Variants in CBLB observed in about 807,000 individuals in gnomAD.
CBLB encodes E3 ubiquitin-protein ligase CBL-B.
CBLB carries 31 observed loss-of-function variants against 104.9 expected under a neutral mutation model. The observed-to-expected ratio is 0.30, with a 90% confidence interval of 0.22 to 0.40. CBLB has a LOEUF of 0.40. Among genes scored for constraint, CBLB ranks in the 10% least tolerant of loss-of-function variants. CBLB has a pLI of 1.00. For missense variants in CBLB, 1,062 were observed against 1,214.6 expected, an observed-to-expected ratio of 0.87 and a Z score of 1.87; for synonymous variants, 440 against 422.6, an observed-to-expected ratio of 1.04 and a Z score of -0.51.
At chr3:105,868,482 G>C (rs1169965735) in intron 1 of CBLB, 1 of 346,074 alleles carries the variant, frequency 2.9e-6, no homozygotes, top group African/African-American at 2.1e-5. Context: ...GACACTGTGG[G>C]CTCGGCGCCT....
chr3:105,846,485 A>C (rs1241161109), intron 3 of CBLB, among the ~76,000 whole-genome samples: 1 of 152,126 alleles, frequency 6.6e-6, no homozygotes, highest in African/African-American at 2.4e-5. Flanking sequence ...CTAAAGTTGA[A>C]ATATTAACAG....
chr3:105,672,388 C>A (rs2065168473), intron 17 of CBLB: 1 of 177,850 alleles, frequency 5.6e-6, no homozygotes, highest in African/African-American at 2.4e-5. Context: ...TGCATCATAT[C>A]CTAAGTTTGC....
chr3:105,786,066 G>GGGGGT (rs1553794757), intron 3 of CBLB, among the ~76,000 whole-genome samples: 1 of 145,662 alleles, frequency 6.9e-6, no homozygotes, highest in Non-Finnish European at 1.5e-5. Flanking sequence ...AGGATCGGGG[G>GGGGGT]GGGGAAAGTG....
intron 3 of CBLB, among the ~76,000 whole-genome samples, chr3:105,786,310 A>G (rs1300534164): frequency 6.6e-6 from 1 of 152,148 alleles, no homozygotes; most frequent in Non-Finnish European, 1.5e-5. Context: ...TTTCAGTAAG[A>G]AACAAAAATG....
intron 4 of CBLB, among the ~76,000 whole-genome samples, chr3:105,759,625 T>C (rs543319422): frequency 1.3e-5 from 2 of 152,268 alleles, no homozygotes; most frequent in Admixed American, 1.3e-4. Context: ...CCTGAGTGTG[T>C]GCACACCCAG....
intron 4 of CBLB, among the ~76,000 whole-genome samples, chr3:105,765,723 G>T (rs1456023933): frequency 6.6e-6 from 1 of 152,130 alleles, no homozygotes; most frequent in Non-Finnish European, 1.5e-5. Flanking sequence ...GTTGAGATAT[G>T]CTGTGTAGAG....
In CBLB at chr3:105,678,470, G is replaced by A. The variant is rs139057989; in HGVS notation, c.2530C>T (p.Arg844Trp). ...AAAAGATCCTGTCCTGAGGATGGCCGGCTACTGGAGCCAGGAGGTTTTGAA... is the reference window on the plus strand; with the variant it reads ...AAAAGATCCTGTCCTGAGGATGGCCAGCTACTGGAGCCAGGAGGTTTTGAA... ...EHSKPPGSSS[R>W]PSSGQDLFLL... Residue 844 changes from arginine to tryptophan, a missense_variant, in exon 17 of 19, where the codon CGG (arginine) becomes TGG (tryptophan). Arg to Trp is a moderately radical substitution (Grantham distance 101). Transcript: ENST00000394030. The A allele has an allele frequency of 1.8e-5, 29 of 1,613,884 alleles. No homozygotes were observed. The highest frequency in any genetic ancestry group is 2.2e-5 in the East Asian group (1 of 44,878).
chr3:105,838,955 T>C (rs923792196), intron 3 of CBLB, among the ~76,000 whole-genome samples: 24 of 152,156 alleles, frequency 1.6e-4, no homozygotes, highest in African/African-American at 4.8e-4. Flanking sequence ...TGGATTCCTC[T>C]GGTAGTATAA....
At chr3:105,693,288 T>C (rs370177310) in intron 13 of CBLB, among the ~76,000 whole-genome samples, 1 of 152,156 alleles carries the variant, frequency 6.6e-6, no homozygotes, top group Admixed American at 6.5e-5. Context: ...CCTCAAGAGT[T>C]TAGGTAAGTC....
At chr3:105,693,795 T>C (rs1374593937) in intron 12 of CBLB, among the ~76,000 whole-genome samples, 1 of 152,016 alleles carries the variant, frequency 6.6e-6, no homozygotes, top group South Asian at 2.1e-4. Flanking sequence ...AAAATAAAAA[T>C]GTTACACCAT....
At chr3:105,724,501 A>G (rs560420604) in intron 9 of CBLB, among the ~76,000 whole-genome samples, 1 of 152,288 alleles carries the variant, frequency 6.6e-6, no homozygotes, top group South Asian at 2.1e-4. Context: ...GCACATTTAG[A>G]GACACCATAA....
chr3:105,859,823 A>C (rs2091952556), intron 2 of CBLB, among the ~76,000 whole-genome samples: 1 of 152,000 alleles, frequency 6.6e-6, no homozygotes, highest in Non-Finnish European at 1.5e-5. Context: ...GCAAATAATT[A>C]CTAAATATAA....
intron 4 of CBLB, among the ~76,000 whole-genome samples, chr3:105,754,511 G>GAC (rs2076876570): frequency 1.0e-5 from 1 of 98,776 alleles, no homozygotes; most frequent in African/African-American, 4.3e-5. Context: ...GAGAGAGAGA[G>GAC]AGAGAGAGAG....
At chr3:105,722,500 A>G (rs2073026198) in intron 9 of CBLB, among the ~76,000 whole-genome samples, 1 of 152,174 alleles carries the variant, frequency 6.6e-6, no homozygotes, top group Admixed American at 6.5e-5. Context: ...TACCTCCTAC[A>G]CATCATATAA....
chr3:105,706,367 T>C (rs1488973794), intron 10 of CBLB, among the ~76,000 whole-genome samples: 1 of 152,174 alleles, frequency 6.6e-6, no homozygotes, highest in Non-Finnish European at 1.5e-5. Context: ...AGCTCGGTTA[T>C]GGTAAGTCAA....
At chr3:105,669,065 A>AATCAATCC (rs1553702595) in intron 18 of CBLB, among the ~76,000 whole-genome samples, 2 of 149,848 alleles carry the variant, frequency 1.3e-5, no homozygotes, top group African/African-American at 2.5e-5. Context: ...TGTCCACTCA[A>AATCAATCC]ATCCATCCAT....
At chr3:105,800,600 G>A (rs1037263306) in intron 3 of CBLB, among the ~76,000 whole-genome samples, 1 of 152,116 alleles carries the variant, frequency 6.6e-6, no homozygotes, top group Admixed American at 6.6e-5. Context: ...AAATAGCAAG[G>A]TTTTGTCTGG....
chr3:105,703,733 C>A (rs1280171163), intron 11 of CBLB, among the ~76,000 whole-genome samples: 1 of 152,106 alleles, frequency 6.6e-6, no homozygotes, highest in African/African-American at 2.4e-5. Context: ...TACAAAATAA[C>A]TATACTTACT....
intron 2 of CBLB, among the ~76,000 whole-genome samples, chr3:105,863,182 A>G (rs528271510): frequency 3.2e-4 from 49 of 152,340 alleles, no homozygotes; most frequent in African/African-American, 1.2e-3. Flanking sequence ...CACAGGGATA[A>G]ACCAAGGTAA....
Sources: allele counts gnomAD v4.1 joint callset (sites outside exome capture counted in the v4.1 genomes callset), GRCh38; gene constraint gnomAD v4.1.1; transcripts MANE v1.5; gene names NCBI Gene and HGNC (gene_info 2026-07-23, HGNC 2026-07-21).